The following ITGA8 variants were observed in gnomAD, a reference collection of about 807,000 sequenced individuals.
The protein encoded by ITGA8 is integrin alpha-8.
In ITGA8, 91 loss-of-function variants were observed where a neutral mutation model predicts 142.3. That is an observed-to-expected ratio of 0.64 (90% CI 0.54 to 0.76). The LOEUF is 0.76. ITGA8 is among the 30% of genes least tolerant of loss of function. ITGA8 has a pLI of 0.00. For missense variants in ITGA8, 1,406 were observed against 1,327.7 expected (o/e 1.06, Z -0.92); for synonymous variants, 505 against 485.2 (o/e 1.04, Z -0.54).
chr10:15,671,615 C>G lies in ITGA8; in HGVS notation c.835G>C (p.Asp279His). The G allele has an allele frequency of 1.2e-6, 2 of 1,612,638 alleles. No individual in the cohort carries two copies. Among genetic ancestry groups the G allele is most frequent in the Non-Finnish European group, 8.5e-7 (1 of 1,178,882 alleles). Residue 279 changes from aspartate (D) to histidine (H), a missense_variant, in exon 8 of 30, where the codon GAT becomes CAT. Asp to His is a moderately conservative substitution (Grantham distance 81). Transcript: ENST00000378076. The stretch of plus-strand genomic sequence containing the variant: ...CAGTGCCTCTCACCTTGCTGAGAAT[C>G]CCCAGTAAACTCCCCAGCAGCAACT... ...YSVAAGEFTG[D>H]SQQELVAGIP...
rs772493318 is a variant in ITGA8, at chr10:15,531,140, A to G, written c.2892T>C (p.Asp964=). The G allele has an allele frequency of 1.3e-6, 2 of 1,504,760 alleles. No homozygotes were observed. The highest frequency in any genetic ancestry group is 1.4e-5 in the South Asian group (1 of 69,576). The allele number at this position is 1,504,760 out of a possible 1,614,324, so 93.2% of individuals were successfully genotyped here. The change falls in exon 28 of 30, where the codon GAT becomes GAC. Residue 964 remains aspartate, a synonymous_variant. Transcript: ENST00000378076. ...ACACCAGGGATGCAAGAGCATAGGG[A>G]TCATTTTTTCTCTGAAAGTAAAAGT... ...WAHTFLQRKN[D]PYALASLVSF...
chr10:15,588,543 GGTTCCAAATATATTATGGGTAATTCTTCA>G (rs1832871233), intron 22 of ITGA8, among the ~76,000 whole-genome samples: 1 of 152,102 alleles, frequency 6.6e-6, no homozygotes. Flanking sequence ...TAGACTTTAT[GGTTCCAAATATATTATGGGTAATTCTTCA>G]GTTTGGAAAT....
At chr10:15,707,961 G>GACACACACACACACACACAC (rs138462340) in intron 2 of ITGA8, among the ~76,000 whole-genome samples, 10 of 144,870 alleles carry the variant, frequency 6.9e-5, no homozygotes, top group Admixed American at 5.6e-4. Flanking sequence ...TGCACACACC[G>GACACACACACACACACACAC]ACACACACAC....
At chr10:15,571,581 G>T (rs1834184051) in intron 25 of ITGA8, among the ~76,000 whole-genome samples, 1 of 152,252 alleles carries the variant, frequency 6.6e-6, no homozygotes, top group Admixed American at 6.5e-5. Flanking sequence ...CAGGCCCACA[G>T]ACTGGCATCA....
intron 6 of ITGA8, among the ~76,000 whole-genome samples, chr10:15,677,328 G>GGTTATGCTA (rs1335332884): frequency 6.6e-6 from 1 of 152,118 alleles, no homozygotes; most frequent in African/African-American, 2.4e-5. Context: ...TTGAGGTGAT[G>GGTTATGCTA]GTTATGCTAA....
chr10:15,607,765 A>G lies in ITGA8; in HGVS notation c.1676T>C (p.Leu559Pro). ...GACGCGATGAGCCTGATGGTTATCA[A>G]GGAAGAGCGTCCGTTTAATAGCTCC... ...QKGAIKRTLF[L>P]DNHQAHRVFP... Residue 559 changes from leucine to proline, a missense_variant, in exon 17 of 30, where the codon CTT becomes CCT. Coordinates refer to ENST00000378076, the MANE Select transcript of ITGA8 (RefSeq NM_003638.3). 6.2e-7 allele frequency: 1 copy of G among 1,613,504 alleles called. No homozygotes were observed. Among genetic ancestry groups the G allele is most frequent in the East Asian group, 2.2e-5 (1 of 44,876 alleles).
At chr10:15,586,951 T>C (rs1588660272) in intron 22 of ITGA8, among the ~76,000 whole-genome samples, 1 of 149,056 alleles carries the variant, frequency 6.7e-6, no homozygotes, top group Admixed American at 6.8e-5. Flanking sequence ...TGAGACGGAG[T>C]CTCCCTCTGT....
chr10:15,557,055 C>T (rs908834191), intron 26 of ITGA8, among the ~76,000 whole-genome samples: 10 of 152,008 alleles, frequency 6.6e-5, no homozygotes, highest in South Asian at 2.1e-4. Flanking sequence ...TAGAAGCTGC[C>T]GCAATAGGAT....
chr10:15,641,309 G>A (rs1833867854), intron 13 of ITGA8, among the ~76,000 whole-genome samples: 1 of 152,142 alleles, frequency 6.6e-6, no homozygotes, highest in Admixed American at 6.5e-5. Context: ...CTACCATGGT[G>A]GAAATGGAGG....
chr10:15,652,747 C>T (rs1323229106), intron 11 of ITGA8, among the ~76,000 whole-genome samples: 3 of 152,216 alleles, frequency 2.0e-5, no homozygotes, highest in Non-Finnish European at 4.4e-5. Context: ...CTTCGAAATA[C>T]ATGCAGAGAG....
intron 26 of ITGA8, among the ~76,000 whole-genome samples, chr10:15,554,597 C>G (rs554532376): frequency 2.6e-5 from 4 of 152,164 alleles, no homozygotes; most frequent in African/African-American, 9.7e-5. Flanking sequence ...CCCACAGATG[C>G]CACTAAATTG....
intron 2 of ITGA8, among the ~76,000 whole-genome samples, chr10:15,711,340 C>T (rs1208586225): frequency 6.6e-6 from 1 of 152,098 alleles, no homozygotes; most frequent in Admixed American, 6.5e-5. Flanking sequence ...TTTACACCCC[C>T]AGGTGTTGTT....
chr10:15,693,009 G>A (rs1834963025), intron 2 of ITGA8, among the ~76,000 whole-genome samples: 1 of 152,330 alleles, frequency 6.6e-6, no homozygotes, highest in South Asian at 2.1e-4. Flanking sequence ...GGAGGTTGCA[G>A]TGAGCTGAGA....
intron 2 of ITGA8, among the ~76,000 whole-genome samples, chr10:15,688,455 A>G (rs1834874391): frequency 6.6e-6 from 1 of 152,160 alleles, no homozygotes; most frequent in African/African-American, 2.4e-5. Flanking sequence ...TGGGCGACAA[A>G]GTAAGACTCT....
intron 25 of ITGA8, among the ~76,000 whole-genome samples, chr10:15,561,209 CTATATATATA>C (rs529527480): frequency 8.5e-6 from 1 of 116,962 alleles, no homozygotes; most frequent in Non-Finnish European, 1.7e-5. Flanking sequence ...TATCTGTTGG[CTATATATATA>C]TATATATATA....
At position 15,719,528 on chromosome 10, in the gene ITGA8, T is replaced by C. The variant is rs9333070; in HGVS notation, c.209+35A>G. 0.69 allele frequency: 1,036,553 copies of C among 1,502,432 alleles called. 358,812 individuals are homozygous for C. Among genetic ancestry groups the C allele is most frequent in the East Asian group, 0.82 (30,177 of 36,722 alleles). The allele number at this position is 1,502,432 out of a possible 1,614,324, so 93.1% of individuals were successfully genotyped here. On this transcript the variant is annotated intron_variant, in intron 1 of 29. Transcript: ENST00000378076. Reference sequence around the variant, plus strand: ...GGGACCTGACCCGGGAGCGCCTTCGTCCCCGCGCGCACCTCCCCGGGTCGG... The same window carrying C: ...GGGACCTGACCCGGGAGCGCCTTCGCCCCCGCGCGCACCTCCCCGGGTCGG...
chr10:15,558,589 G>T (rs1564351012), intron 25 of ITGA8, among the ~76,000 whole-genome samples: 1 of 152,184 alleles, frequency 6.6e-6, no homozygotes, highest in Non-Finnish European at 1.5e-5. Flanking sequence ...GGAACGTTCT[G>T]TATGGGGAGA....
chr10:15,611,692 C>CTTGTTAGCCAGG, intron 15 of ITGA8, among the ~76,000 whole-genome samples: 1 of 151,632 alleles, frequency 6.6e-6, no homozygotes, highest in South Asian at 2.1e-4. Context: ...AGGGTTTCAC[C>CTTGTTAGCCAGG]ATGGTCTCGA....
intron 2 of ITGA8, among the ~76,000 whole-genome samples, chr10:15,693,473 C>A (rs1042960476): frequency 1.3e-5 from 2 of 152,158 alleles, no homozygotes; most frequent in African/African-American, 2.4e-5. Context: ...TCTTAAAAAT[C>A]TTATGCTTTT....
Sources: gnomAD v4.1 joint callset for allele counts (sites outside exome capture counted in the v4.1 genomes callset) on GRCh38, gnomAD v4.1.1 for gene constraint, MANE v1.5 for transcripts, NCBI Gene and HGNC (gene_info 2026-07-23, HGNC 2026-07-21) for gene names.